The following ITGB4 variants were observed in gnomAD, a reference collection of about 807,000 sequenced individuals.
The protein encoded by ITGB4 is integrin subunit beta 4.
In ITGB4, 159 loss-of-function variants were observed where a neutral mutation model predicts 207.6. That is an observed-to-expected ratio of 0.77 (90% CI 0.67 to 0.87). The LOEUF is 0.87. Among genes scored for constraint, ITGB4 ranks in the 40% least tolerant of loss-of-function variants. The pLI is 0.00. For missense variants in ITGB4, 2,278 were observed against 2,546.8 expected (o/e 0.89, Z 2.27); for synonymous variants, 1,020 against 1,062.7 (o/e 0.96, Z 0.78).
chr17:75,738,952 G>A (rs546734744), intron 18 of ITGB4, among the ~76,000 whole-genome samples: 1 of 151,988 alleles, frequency 6.6e-6, no homozygotes, highest in African/African-American at 2.4e-5. Context: ...CTCCAGCCTG[G>A]GTGACAGAGT....
chr17:75,734,923 G>A (rs753838208), intron 13 of ITGB4, among the ~76,000 whole-genome samples: 1 of 152,216 alleles, frequency 6.6e-6, no homozygotes, highest in Non-Finnish European at 1.5e-5. Flanking sequence ...ACAAAAGGGG[G>A]TCACTGGAGG....
rs762581242 is a variant in ITGB4 at position 75,757,062 on chromosome 17, G to A, written c.5173G>A (p.Gly1725Arg). Residue 1725 changes from glycine (G) to arginine (R), a missense_variant, in exon 38 of 40, where the codon GGG becomes AGG. Gly to Arg is a moderately radical substitution (Grantham distance 125). Transcript: ENST00000200181. ...KVQARTTEGF[G>R]PEREGIITIE... ...GCAGGCCAGGACCACTGAGGGCTTC[G>A]GGCCAGAGCGCGAGGGCATCATCAC... 8 of 1,612,840 alleles carry A rather than the reference G, an allele frequency of 5.0e-6. No homozygotes were observed. Among genetic ancestry groups the A allele is most frequent in the East Asian group, 2.2e-5 (1 of 44,860 alleles).
chr17:75,740,677 C>T lies in ITGB4; in HGVS notation c.2551-116C>T. 4 of 1,262,214 alleles carry T rather than the reference C, an allele frequency of 3.2e-6. No individual in the cohort carries two copies. Among genetic ancestry groups the T allele is most frequent in the Non-Finnish European group, 4.6e-6 (4 of 867,012 alleles). 78.2% of individuals were successfully genotyped at this position (1,262,214 alleles called of 1,614,324 possible). On this transcript the variant is annotated intron_variant, in intron 21 of 39. Coordinates refer to ENST00000200181, the MANE Select transcript of ITGB4 (RefSeq NM_000213.5). The surrounding 1 kb of genome is among the most constrained non-coding windows in gnomAD (Gnocchi z 5.9). ...GGATGCTGCCCCACGGGGCATGCCC[C>T]AGCCAACCCTGAGGATCTCTGGGTA...
Position 75,731,600 on chromosome 17 carries a change from C to T in ITGB4, c.1216-212C>T, listed in dbSNP as rs1330500096. Among the ~76,000 whole-genome samples, 1 of 152,098 alleles carries T rather than the reference C, an allele frequency of 6.6e-6. No homozygotes were observed. The highest frequency in any genetic ancestry group is 1.5e-5 in the Non-Finnish European group (1 of 68,002). ...TGGGGCAGTAAATGGGTTAGTGTCACGAAGCCCAGAGGCCCTGGCCACTGT... is the reference window on the plus strand; with the variant it reads ...TGGGGCAGTAAATGGGTTAGTGTCATGAAGCCCAGAGGCCCTGGCCACTGT... On this transcript the variant is annotated intron_variant, in intron 10 of 39. Transcript: ENST00000200181. This position sits in a 1 kb window ranked among gnomAD's most constrained non-coding sequence, Gnocchi z 6.8.
chr17:75,723,982 G>T (rs1040472837), intron 1 of ITGB4, among the ~76,000 whole-genome samples: 4 of 152,260 alleles, frequency 2.6e-5, no homozygotes, highest in Non-Finnish European at 2.9e-5. Context: ...CGCTGGGGAC[G>T]CCTTGAGGGG....
In ITGB4 at chr17:75,733,544, C is replaced by A; in HGVS notation, c.1509C>A (p.Cys503Ter). ...GCTCTCTGAGTGACATTCAGCCCTGCCTGCGGGAGGGCGAGGACAAGCCGT... is the reference window on the plus strand; with the variant it reads ...GCTCTCTGAGTGACATTCAGCCCTGACTGCGGGAGGGCGAGGACAAGCCGT... ...STGSLSDIQP[C>*]LREGEDKPCS... Residue 503 changes from cysteine (C) to a stop codon, truncating the protein, a stop_gained, in exon 13 of 40, where the codon TGC becomes TGA. Transcript: ENST00000200181. LOFTEE classifies it high-confidence loss of function. 6.2e-7 allele frequency: 1 copy of A among 1,613,908 alleles called. No homozygotes were observed.
chr17:75,727,752 G>C lies in ITGB4; in HGVS notation c.366G>C (p.Val122=). Residue 122 remains valine (V), a synonymous_variant, in exon 5 of 40, where the codon GTG becomes GTC. Coordinates refer to ENST00000200181, the MANE Select transcript of ITGB4 (RefSeq NM_000213.5). This position sits in a 1 kb window ranked among gnomAD's most constrained non-coding sequence, Gnocchi z 6.0. ...AGGAGCGGCATTTTGAGCTGGAGGT[G>C]TTTGAGCCACTGGAGAGCCCCGTGG... The part of the protein sequence containing the change: ...PGEERHFELE[V]FEPLESPVDL... 1 of 1,614,124 alleles carries C rather than the reference G, an allele frequency of 6.2e-7. No homozygotes were observed. The highest frequency in any genetic ancestry group is 1.1e-5 in the South Asian group (1 of 91,072).
At position 75,730,884 on chromosome 17, in the gene ITGB4, A is replaced by G; in HGVS notation, c.1012A>G (p.Thr338Ala). Residue 338 changes from threonine (T) to alanine (A), a missense_variant, in exon 9 of 40, where the codon ACC becomes GCC. By Grantham distance (58) the Thr-to-Ala change is moderately conservative (BLOSUM62 0). Transcript: ENST00000200181. ...GCCTTCTCTCCCGCAGAAGCTTCAC[A>G]CCTATTTCCCTGTCTCCTCACTGGG... ...YSYSYYEKLHTYFPVSSLGVL... is the reference protein window; with the variant it reads ...YSYSYYEKLHAYFPVSSLGVL... 6.2e-7 allele frequency: 1 copy of G among 1,613,160 alleles called. No individual in the cohort carries two copies. Among genetic ancestry groups the G allele is most frequent in the Non-Finnish European group, 8.5e-7 (1 of 1,179,684 alleles).
In ITGB4 at chr17:75,740,772, C is replaced by T. The variant is rs764215701; in HGVS notation, c.2551-21C>T. ...ACGGGGTGGCCTAGGCCCAGCCTCA[C>T]GCCCCTCCCTTGCCTGGCAGCTGAA... On this transcript the variant is annotated intron_variant, in intron 21 of 39. Coordinates refer to ENST00000200181, the MANE Select transcript of ITGB4 (RefSeq NM_000213.5). This position sits in a 1 kb window ranked among gnomAD's most constrained non-coding sequence, Gnocchi z 5.9. 9.9e-6 allele frequency: 16 copies of T among 1,612,160 alleles called. No individual in the cohort carries two copies. Among genetic ancestry groups the T allele is most frequent in the African/African-American group, 4.0e-5 (3 of 74,882 alleles).
chr17:75,734,109 T>TTTG (rs1163326551), intron 13 of ITGB4, among the ~76,000 whole-genome samples: 4 of 151,640 alleles, frequency 2.6e-5, no homozygotes, highest in South Asian at 2.1e-4. Flanking sequence ...CTGTGGGTTT[T>TTTG]TTGTTGTTGT....
rs777045339 is a variant in ITGB4 at position 75,731,288 on chromosome 17, C to T, written c.1135C>T (p.Arg379Ter). Residue 379 changes from arginine to a stop codon, truncating the protein, a stop_gained, in exon 10 of 40, where the codon CGA becomes TGA. Transcript: ENST00000200181. LOFTEE classifies it high-confidence loss of function. The surrounding 1 kb of genome is among the most constrained non-coding windows in gnomAD (Gnocchi z 6.8). The part of the protein sequence containing the change: ...NLDIRALDSP[R>*]GLRTEVTSKM... ...GGACATCCGGGCCCTAGACAGCCCC[C>T]GAGGCCTTCGGACAGAGGTCACCTC... The T allele has an allele frequency of 2.5e-6, 4 of 1,613,538 alleles. No individual in the cohort carries two copies. The highest frequency in any genetic ancestry group is 1.1e-5 in the South Asian group (1 of 91,080).
chr17:75,747,450 G>A (rs1213304153), intron 26 of ITGB4, among the ~76,000 whole-genome samples: 1 of 152,282 alleles, frequency 6.6e-6, no homozygotes, highest in African/African-American at 2.4e-5. Flanking sequence ...CTTCACTCCA[G>A]TCTGGGCAAA....
intron 23 of ITGB4, among the ~76,000 whole-genome samples, chr17:75,741,840 C>T (rs1336746326): frequency 1.5e-4 from 23 of 151,802 alleles, no homozygotes; most frequent in Admixed American, 1.5e-3. Flanking sequence ...ACCAGCATTT[C>T]TTATCCTGCT....
Position 75,729,331 on chromosome 17 carries a change from A to C in ITGB4, c.633A>C (p.Glu211Asp), listed in dbSNP as rs922892463. The C allele has an allele frequency of 6.2e-7, 1 of 1,614,018 alleles. No homozygotes were observed. Among genetic ancestry groups the C allele is most frequent in the African/African-American group, 1.3e-5 (1 of 74,910 alleles). Residue 211 changes from glutamate (E) to aspartate (D), a missense_variant, in exon 7 of 40, where the codon GAA (glutamate) becomes GAC (aspartate). Physicochemically the swap from Glu to Asp is conservative, Grantham distance 45. Transcript: ENST00000200181. The surrounding 1 kb of genome is among the most constrained non-coding windows in gnomAD (Gnocchi z 4.4). ...FSFKNVISLT[E>D]DVDEFRNKLQ... ...TCAAGAACGTCATCAGCCTGACAGAAGATGTGGATGAGTTCCGGAATAAAC... is the reference window on the plus strand; with the variant it reads ...TCAAGAACGTCATCAGCCTGACAGACGATGTGGATGAGTTCCGGAATAAAC...
intron 18 of ITGB4, 51 bp downstream of exon 18, chr17:75,737,695 C>T: frequency 2.1e-6 from 3 of 1,454,826 alleles, no homozygotes; most frequent in Non-Finnish European, 2.9e-6. Context: ...GTCCCCACCC[C>T]AACAGGGCCC....
In ITGB4 at chr17:75,731,804, C is replaced by T; in HGVS notation, c.1216-8C>T. On this transcript the variant is annotated splice_polypyrimidine_tract_variant and splice_region_variant and intron_variant, in intron 10 of 39. Coordinates refer to ENST00000200181, the MANE Select transcript of ITGB4 (RefSeq NM_000213.5). This position sits in a 1 kb window ranked among gnomAD's most constrained non-coding sequence, Gnocchi z 6.8. Reference sequence around the variant, plus strand: ...GGCCTGCCTTGGCTGACCACGGGGCCCCTGCAGGGTATATACCAGGTGCAG... The same window carrying T: ...GGCCTGCCTTGGCTGACCACGGGGCTCCTGCAGGGTATATACCAGGTGCAG... The T allele has an allele frequency of 6.3e-7, 1 of 1,576,288 alleles. No individual in the cohort carries two copies. Among genetic ancestry groups the T allele is most frequent in the African/African-American group, 1.3e-5 (1 of 74,194 alleles).
intron 2 of ITGB4, 68 bp downstream of exon 2, chr17:75,724,850 C>T (rs2060686772): frequency 8.3e-6 from 11 of 1,332,970 alleles, no homozygotes; most frequent in Admixed American, 1.7e-5. Context: ...TGCCCTTGCA[C>T]GGGGATCTCA....
intron 32 of ITGB4, among the ~76,000 whole-genome samples, chr17:75,753,104 C>A (rs1053238388): frequency 6.6e-6 from 1 of 152,234 alleles, no homozygotes; most frequent in Non-Finnish European, 1.5e-5. Flanking sequence ...TTCCATGCCT[C>A]ACTTTTCTGC....
intron 2 of ITGB4, among the ~76,000 whole-genome samples, chr17:75,726,801 C>T (rs547657155): frequency 2.0e-4 from 31 of 152,118 alleles, no homozygotes; most frequent in Non-Finnish European, 3.4e-4. Context: ...AGGCCGGGCC[C>T]GGTGGCTCCC....
Sources: gnomAD v4.1 joint callset for allele counts (sites outside exome capture counted in the v4.1 genomes callset) on GRCh38, gnomAD v4.1.1 for gene constraint, Gnocchi (gnomAD v3.1) non-coding constraint, MANE v1.5 for transcripts, NCBI Gene and HGNC (gene_info 2026-07-23, HGNC 2026-07-21) for gene names.